COX8A: variants seen among roughly 807,000 people sequenced by gnomAD.
The protein encoded by COX8A is cytochrome c oxidase subunit 8A, mitochondrial.
COX8A carries 6 observed loss-of-function variants against 4.4 expected under a neutral mutation model. The ratio of observed to expected loss-of-function variants is 1.36; its 90% confidence interval spans 0.74 to 2.68. The LOEUF (loss-of-function observed/expected upper bound fraction) is 2.68, where lower values mean the gene tolerates loss of function less well. COX8A is among the 30% of genes most tolerant of loss of function. The pLI, the probability that COX8A is intolerant of heterozygous loss-of-function variation, is 0.00. For missense variants in COX8A, 72 were observed against 89.6 expected, an observed-to-expected ratio of 0.80 and a Z score of 0.79; for synonymous variants, 53 against 47.1, an observed-to-expected ratio of 1.12 and a Z score of -0.51.
Position 63,974,868 on chromosome 11 carries a change from C to T in COX8A, c.114+74C>T, listed in dbSNP as rs1198271386. 7 of 1,283,900 alleles carry T rather than the reference C, an allele frequency of 5.5e-6. No homozygotes were observed. In the African/African-American group the frequency reaches 9.1e-5, roughly 17 times the overall value. The allele number at this position is 1,283,900 out of a possible 1,614,324, so 79.5% of individuals were successfully genotyped here. A position where few individuals can be genotyped will look rare whatever the true frequency, so the allele number is the denominator to read the frequency against. ...TTCTGCCTAGCTGACCTCAGGTGGTCCTGAGAATGCCTCGCGCCCCGCAGC... is the reference window on the plus strand; with the variant it reads ...TTCTGCCTAGCTGACCTCAGGTGGTTCTGAGAATGCCTCGCGCCCCGCAGC... On this transcript the variant is annotated intron_variant, in intron 1 of 1. Coordinates refer to ENST00000314133, the MANE Select transcript of COX8A (RefSeq NM_004074.3).
Position 63,974,636 on chromosome 11 carries a change from CT to C in COX8A, c.-43del. 6.4e-7 allele frequency: 1 copy of C among 1,554,626 alleles called. No homozygotes were observed. The stretch of plus-strand genomic sequence containing the variant: ...AGCGCAGCCATTTTGGCTTCCTGAC[CT>C]TGGGCTACGGCTGACCGTTTTTTGT... On this transcript the variant is annotated 5_prime_UTR_variant, in exon 1 of 2. Transcript: ENST00000314133.
Position 63,976,379 on chromosome 11 carries a change from C to A in COX8A, c.*59C>A. On this transcript the variant is annotated 3_prime_UTR_variant, in exon 2 of 2. Transcript: ENST00000314133. ...ACCAGCCCCACCGGCCCATCCTGGT[C>A]ATGTTACTGCATTTGTGGCCGGCCT... The A allele has an allele frequency of 2.7e-6, 4 of 1,475,946 alleles. No individual in the cohort carries two copies. The South Asian group carries it at 4.5e-5, about 17-fold the overall frequency. The allele number at this position is 1,475,946 out of a possible 1,614,324, so 91.4% of individuals were successfully genotyped here.
chr11:63,974,723 T>G lies in COX8A; in HGVS notation c.43T>G (p.Ser15Ala). The G allele has an allele frequency of 6.2e-7, 1 of 1,608,798 alleles. No homozygotes were observed. Among genetic ancestry groups the G allele is most frequent in the Non-Finnish European group, 8.5e-7 (1 of 1,178,002 alleles). The change falls in exon 1 of 2, where the codon TCG becomes GCG. Residue 15 changes from serine (S) to alanine (A), a missense_variant. Ser to Ala is a moderately conservative substitution (Grantham distance 99). Coordinates refer to ENST00000314133, the MANE Select transcript of COX8A (RefSeq NM_004074.3). ...GCTGCTGCTGCGGGGCTTGACAGGC[T>G]CGGCCCGGCGGCTCCCAGTGCCGCG... ...TPLLLRGLTG[S>A]ARRLPVPRAK... is the part of the protein sequence containing the mutation.
Position 63,976,214 on chromosome 11 carries a change from G to A in COX8A, c.115-11G>A. 6.2e-7 allele frequency: 1 copy of A among 1,613,594 alleles called. No homozygotes were observed. The highest frequency in any genetic ancestry group is 8.5e-7 in the Non-Finnish European group (1 of 1,179,510). On this transcript the variant is annotated splice_polypyrimidine_tract_variant and intron_variant, in intron 1 of 1. Transcript: ENST00000314133. Reference sequence around the variant, plus strand: ...GACTCCGAGGTGCCTTCTTTCTTGTGCTCTGTGTAGGAATTGGCCGTTGGG... The same window carrying A: ...GACTCCGAGGTGCCTTCTTTCTTGTACTCTGTGTAGGAATTGGCCGTTGGG...
At chr11:63,975,427 T>C (rs1448412180) in intron 1 of COX8A, among the ~76,000 whole-genome samples, 1 of 152,040 alleles carries the variant, frequency 6.6e-6, no homozygotes, top group Non-Finnish European at 1.5e-5. Context: ...TCCGCCTGCC[T>C]CAACCTCCCA....
chr11:63,976,135 G>A (rs1318428689), intron 1 of COX8A, 90 bp from the exon 2 acceptor site: 9 of 1,242,948 alleles, frequency 7.2e-6, no homozygotes, highest in Non-Finnish European at 8.3e-6. Context: ...CTCCCTGAGC[G>A]GGGCTTTCTG....
At chr11:63,974,935 G>A in intron 1 of COX8A, 141 bp downstream of exon 1, 1 of 773,824 alleles carries the variant, frequency 1.3e-6, no homozygotes. Flanking sequence ...TGTCTGGAGG[G>A]CGCGAACGAC....
chr11:63,974,637 T>G lies in COX8A; in HGVS notation c.-44T>G, dbSNP rs1217475432. On this transcript the variant is annotated 5_prime_UTR_variant, in exon 1 of 2. Transcript: ENST00000314133. ...GCGCAGCCATTTTGGCTTCCTGACC[T>G]TGGGCTACGGCTGACCGTTTTTTGT... 1.9e-6 allele frequency: 3 copies of G among 1,556,192 alleles called. No homozygotes were observed. The highest frequency in any genetic ancestry group is 2.6e-6 in the Non-Finnish European group (3 of 1,146,364).
At chr11:63,974,950 A>T (rs983241364) in intron 1 of COX8A, among the ~76,000 whole-genome samples, 156 bp downstream of exon 1, 2 of 152,070 alleles carry the variant, frequency 1.3e-5, no homozygotes, top group African/African-American at 2.4e-5. Context: ...AACGACGGGG[A>T]CAGTGCCCGG....
intron 1 of COX8A, among the ~76,000 whole-genome samples, chr11:63,975,060 G>C (rs1043208507): frequency 6.6e-6 from 1 of 152,102 alleles, no homozygotes; most frequent in Non-Finnish European, 1.5e-5. Context: ...TCCTCGCTGC[G>C]CCGCCTCCTG....
At chr11:63,975,005 A>G (rs1285529122) in intron 1 of COX8A, among the ~76,000 whole-genome samples, 1 of 152,026 alleles carries the variant, frequency 6.6e-6, no homozygotes, top group Admixed American at 6.6e-5. Flanking sequence ...CCACAGCCCC[A>G]GGATCTCGGG....
In COX8A at chr11:63,974,654, G is replaced by GT. The variant is rs1432646324; in HGVS notation, c.-21dup. The GT allele has an allele frequency of 1.9e-6, 3 of 1,582,730 alleles. No individual in the cohort carries two copies. Among genetic ancestry groups the GT allele is most frequent in the Non-Finnish European group, 2.6e-6 (3 of 1,162,970 alleles). Reference sequence around the variant, plus strand: ...TCCTGACCTTGGGCTACGGCTGACCGTTTTTTGTGGTGTACTCCGTGCCAT... The same window carrying GT: ...TCCTGACCTTGGGCTACGGCTGACCGTTTTTTTGTGGTGTACTCCGTGCCAT... On this transcript the variant is annotated 5_prime_UTR_variant, in exon 1 of 2. Coordinates refer to ENST00000314133, the MANE Select transcript of COX8A (RefSeq NM_004074.3).
At position 63,976,439 on chromosome 11, in the gene COX8A, T is replaced by C. The variant is rs1942541793; in HGVS notation, c.*119T>C. ...CATGTCATTCAATTCCAGTCACCTCTTCTGCAATCATGACCTCTTGATGTC... is the reference window on the plus strand; with the variant it reads ...CATGTCATTCAATTCCAGTCACCTCCTCTGCAATCATGACCTCTTGATGTC... On this transcript the variant is annotated 3_prime_UTR_variant, in exon 2 of 2. Coordinates refer to ENST00000314133, the MANE Select transcript of COX8A (RefSeq NM_004074.3). 1.1e-6 allele frequency: 1 copy of C among 906,116 alleles called. No individual in the cohort carries two copies. The highest frequency in any genetic ancestry group is 2.0e-5 in the Admixed American group (1 of 49,830). 56.1% of individuals were successfully genotyped at this position (906,116 alleles called of 1,614,324 possible). A position where few individuals can be genotyped will look rare whatever the true frequency, so the allele number is the denominator to read the frequency against.
At position 63,976,248 on chromosome 11, in the gene COX8A, C is replaced by G; in HGVS notation, c.138C>G (p.Ser46=). 1 of 1,614,200 alleles carries G rather than the reference C, an allele frequency of 6.2e-7. No individual in the cohort carries two copies. The change falls in exon 2 of 2, where the codon TCC becomes TCG. Residue 46 remains serine (S), a synonymous_variant. Transcript: ENST00000314133. ...GIMELAVGLT[S]CFVTFLLPAG... ...AGGAATTGGCCGTTGGGCTTACCTC[C>G]TGCTTCGTGACCTTCCTCCTGCCAG...
chr11:63,976,359 C>T lies in COX8A; in HGVS notation c.*39C>T. Reference sequence around the variant, plus strand: ...GTCCCTCACACTGTGACCTGACCAGCCCCACCGGCCCATCCTGGTCATGTT... The same window carrying T: ...GTCCCTCACACTGTGACCTGACCAGTCCCACCGGCCCATCCTGGTCATGTT... On this transcript the variant is annotated 3_prime_UTR_variant, in exon 2 of 2. Transcript: ENST00000314133. The T allele has an allele frequency of 1.3e-6, 2 of 1,567,558 alleles. No homozygotes were observed. Among genetic ancestry groups the T allele is most frequent in the Non-Finnish European group, 8.8e-7 (1 of 1,138,210 alleles).
Position 63,976,366 on chromosome 11 carries a change from G to A in COX8A, c.*46G>A. Reference sequence around the variant, plus strand: ...ACACTGTGACCTGACCAGCCCCACCGGCCCATCCTGGTCATGTTACTGCAT... The same window carrying A: ...ACACTGTGACCTGACCAGCCCCACCAGCCCATCCTGGTCATGTTACTGCAT... On this transcript the variant is annotated 3_prime_UTR_variant, in exon 2 of 2. Coordinates refer to ENST00000314133, the MANE Select transcript of COX8A (RefSeq NM_004074.3). 2 of 1,546,646 alleles carry A rather than the reference G, an allele frequency of 1.3e-6. No individual in the cohort carries two copies. Among genetic ancestry groups the A allele is most frequent in the Non-Finnish European group, 1.8e-6 (2 of 1,119,420 alleles).
chr11:63,974,829 C>T, intron 1 of COX8A, 35 bp downstream of exon 1: 11 of 1,529,510 alleles, frequency 7.2e-6, no homozygotes, highest in Non-Finnish European at 9.7e-6. Flanking sequence ...CGGGAGGCGC[C>T]GTGGGCTGAC....
chr11:63,976,322 G>C lies in COX8A; in HGVS notation c.*2G>C. On this transcript the variant is annotated 3_prime_UTR_variant, in exon 2 of 2. Transcript: ENST00000314133. ...GAGACCTACAGGAGGCCAGAGTGAA[G>C]GGGTCCGTTCTGTCCCTCACACTGT... 1 of 1,613,986 alleles carries C rather than the reference G, an allele frequency of 6.2e-7. No individual in the cohort carries two copies. Among genetic ancestry groups the C allele is most frequent in the Non-Finnish European group, 8.5e-7 (1 of 1,179,868 alleles).
chr11:63,976,172 G>A, intron 1 of COX8A, 53 bp from the exon 2 acceptor site: 2 of 1,539,954 alleles, frequency 1.3e-6, no homozygotes, highest in Non-Finnish European at 1.8e-6. Context: ...AGGACTTAGA[G>A]AGCCTAGGGG....
Sources: gnomAD v4.1 joint callset for allele counts (sites outside exome capture counted in the v4.1 genomes callset) on GRCh38, gnomAD v4.1.1 for gene constraint, MANE v1.5 for transcripts, NCBI Gene and HGNC (gene_info 2026-07-23, HGNC 2026-07-21) for gene names.